Variants in MECR observed in about 807,000 individuals in gnomAD.
MECR encodes the protein mitochondrial trans-2-enoyl-CoA reductase, also known as enoyl-[acyl-carrier-protein] reductase, mitochondrial.
MECR carries 37 observed loss-of-function variants against 49.1 expected under a neutral mutation model. That is an observed-to-expected ratio of 0.75 (90% CI 0.58 to 0.99). MECR has a LOEUF of 0.99. Ranked by LOEUF, MECR falls within the 50% of genes least tolerant of loss-of-function variation. MECR has a pLI of 0.00. For missense variants in MECR, 470 were observed against 479.6 expected (o/e 0.98, Z 0.19); for synonymous variants, 198 against 191.1 (o/e 1.04, Z -0.30).
chr1:29,177,637 G>C, the MECR span, among the ~76,000 whole-genome samples: 1 of 151,970 alleles, frequency 6.6e-6, no homozygotes, highest in African/African-American at 2.4e-5. Flanking sequence ...GACCTTAATG[G>C]GAAATGGAAT....
At chr1:29,187,882 A>G (rs1673060290), downstream of MECR, among the ~76,000 whole-genome samples, 2 of 149,238 alleles carry the variant, frequency 1.3e-5, no homozygotes, top group South Asian at 2.2e-4. Context: ...TAAAAATACA[A>G]AAAAATTAGC....
rs1204938584 is a variant in MECR, at chr1:29,230,816, C to G, written c.91G>C (p.Ala31Pro). 6.2e-7 allele frequency: 1 copy of G among 1,607,514 alleles called. No homozygotes were observed. Among genetic ancestry groups the G allele is most frequent in the Admixed American group, 1.7e-5 (1 of 59,336 alleles). The change falls in exon 1 of 10, where the codon GCC (alanine) becomes CCC (proline). Residue 31 changes from alanine (A) to proline (P), a missense_variant. By Grantham distance (27) the Ala-to-Pro change is conservative (BLOSUM62 -1). Transcript: ENST00000263702. ...TCGGCGGATGCGGAGTAGGAGGAGG[C>G]GGCAGGTCCGTGACAGCCAGAAGCT... is the stretch of plus-strand genomic sequence containing the variant. ...LPASGCHGPAASSYSASAEPA... is the reference protein window; with the variant it reads ...LPASGCHGPAPSSYSASAEPA...
At chr1:29,220,451 C>A (rs1418930091) in intron 1 of MECR, among the ~76,000 whole-genome samples, 1 of 152,084 alleles carries the variant, frequency 6.6e-6, no homozygotes, top group Non-Finnish European at 1.5e-5. Flanking sequence ...AGGGCCCAAA[C>A]CAAAGGGACT....
chr1:29,228,743 AGAG>A (rs992418447), intron 1 of MECR: 3 of 152,178 alleles, frequency 2.0e-5, no homozygotes, highest in African/African-American at 7.2e-5. Context: ...TGGCTCTCCA[AGAG>A]GAGGGAATCA....
At chr1:29,230,417 G>A in intron 1 of MECR, 1 of 323,106 alleles carries the variant, frequency 3.1e-6, no homozygotes, top group Non-Finnish European at 5.7e-6. Flanking sequence ...CTGCAAAATG[G>A]GGATAAATCA....
intron 4 of MECR, among the ~76,000 whole-genome samples, chr1:29,206,283 A>G (rs1676549994): frequency 6.6e-6 from 1 of 152,250 alleles, no homozygotes; most frequent in Non-Finnish European, 1.5e-5. Flanking sequence ...CTCTTAACCA[A>G]TGATGGTACC....
chr1:29,200,826 T>A (rs1478744127), intron 6 of MECR, among the ~76,000 whole-genome samples: 1 of 152,150 alleles, frequency 6.6e-6, no homozygotes, highest in African/African-American at 2.4e-5. Context: ...TCTCGCTCTG[T>A]TACCCAGGCT....
At chr1:29,184,002 T>C in the MECR span, among the ~76,000 whole-genome samples, 1,547 of 150,500 alleles carry the variant, frequency 0.01, 16 homozygotes, top group Middle Eastern at 0.056. Flanking sequence ...CCTCAGCCTC[T>C]AGAGTAGCTG....
chr1:29,218,843 C>T (rs1248504517), intron 1 of MECR, among the ~76,000 whole-genome samples: 3 of 152,198 alleles, frequency 2.0e-5, no homozygotes, highest in Non-Finnish European at 2.9e-5. Context: ...TTATTCAGTG[C>T]TTACCAGTCA....
the MECR span, chr1:29,171,577 C>T: frequency 6.6e-6 from 1 of 151,748 alleles, no homozygotes; most frequent in East Asian, 1.9e-4. Context: ...AAAAATAAGT[C>T]ATACAAATGC....
At chr1:29,180,525 T>G in the MECR span, among the ~76,000 whole-genome samples, 3 of 152,228 alleles carry the variant, frequency 2.0e-5, no homozygotes, top group Non-Finnish European at 4.4e-5. Context: ...TAGGTAACTT[T>G]CAAAATGTTT....
chr1:29,177,123 C>T, the MECR span, among the ~76,000 whole-genome samples: 1 of 152,154 alleles, frequency 6.6e-6, no homozygotes. Flanking sequence ...TCACACTTTA[C>T]ATGAAATGGC....
Position 29,206,831 on chromosome 1 carries a change from C to A in MECR, c.481G>T (p.Ala161Ser), listed in dbSNP as rs367673100. ...QVPSDIPLQS[A>S]ATLGVNPCTA... ...CAGGGATTGACACCCAGGGTGGCAGCGCTCTGAAGAGGGATGTCACTCGGA... is the reference window on the plus strand; with the variant it reads ...CAGGGATTGACACCCAGGGTGGCAGAGCTCTGAAGAGGGATGTCACTCGGA... Residue 161 changes from alanine to serine, a missense_variant, in exon 4 of 10, where the codon GCT becomes TCT. By Grantham distance (99) the Ala-to-Ser change is moderately conservative (BLOSUM62 1). Coordinates refer to ENST00000263702, the MANE Select transcript of MECR (RefSeq NM_016011.5). The A allele has an allele frequency of 1.2e-6, 2 of 1,614,166 alleles. No individual in the cohort carries two copies. Among genetic ancestry groups the A allele is most frequent in the Non-Finnish European group, 1.7e-6 (2 of 1,180,030 alleles).
chr1:29,219,192 T>C (rs1000769348), intron 1 of MECR, among the ~76,000 whole-genome samples: 4 of 152,232 alleles, frequency 2.6e-5, no homozygotes, highest in African/African-American at 9.6e-5. Context: ...TCAATGTGTG[T>C]ATTAAGTCTG....
At chr1:29,175,157 C>T in the MECR span, among the ~76,000 whole-genome samples, 1 of 152,068 alleles carries the variant, frequency 6.6e-6, no homozygotes, top group African/African-American at 2.4e-5. Context: ...TGTGGTGGCT[C>T]ACGCCTGTAA....
chr1:29,206,968 C>A, intron 3 of MECR, 63 bp from the exon 4 acceptor site: 1 of 1,589,134 alleles, frequency 6.3e-7, no homozygotes, highest in Non-Finnish European at 8.6e-7. Context: ...AACCCCAGCT[C>A]ACCCTCCTTG....
chr1:29,176,395 G>C, the MECR span, among the ~76,000 whole-genome samples: 1 of 151,938 alleles, frequency 6.6e-6, no homozygotes, highest in Non-Finnish European at 1.5e-5. Flanking sequence ...ACTTGGTGGT[G>C]GGTGAAGATA....
Position 29,200,820 on chromosome 1 carries a change from G to A in MECR, c.757-231C>T, listed in dbSNP as rs2452771. 0.1 allele frequency among the ~76,000 whole-genome samples: 15,638 copies of A among 151,644 alleles called. 1,038 individuals carry two copies. The highest frequency in any genetic ancestry group is 0.19 in the African/African-American group (8,031 of 41,316). ...CTTTTTCTTTCTAAGACAGGGTCTCGCTCTGTTACCCAGGCTGGAGTGCAG... is the reference window on the plus strand; with the variant it reads ...CTTTTTCTTTCTAAGACAGGGTCTCACTCTGTTACCCAGGCTGGAGTGCAG... On this transcript the variant is annotated intron_variant, in intron 6 of 9. Transcript: ENST00000263702.
In MECR at chr1:29,201,743, T is replaced by A. The variant is rs1448951765; in HGVS notation, c.756+200A>T. Among the ~76,000 whole-genome samples the A allele has an allele frequency of 2.0e-5, 3 of 152,186 alleles. No individual in the cohort carries two copies. The highest frequency in any genetic ancestry group is 7.2e-5 in the African/African-American group (3 of 41,452). On this transcript the variant is annotated intron_variant, in intron 6 of 9. Transcript: ENST00000263702. This position sits in a 1 kb window ranked among gnomAD's most constrained non-coding sequence, Gnocchi z 4.3. ...TGGGTTTCCTAAACTCTGTTTCTCA[T>A]GCCTCCCTCCCAGCATCTGGGCACT...
Sources: allele counts gnomAD v4.1 joint callset (sites outside exome capture counted in the v4.1 genomes callset), GRCh38; gene constraint gnomAD v4.1.1; non-coding constraint Gnocchi (gnomAD v3.1); transcripts MANE v1.5; gene names NCBI Gene and HGNC (gene_info 2026-07-23, HGNC 2026-07-21).